Variants in SYNPO2 observed in about 807,000 individuals in gnomAD.
The protein encoded by SYNPO2 is synaptopodin 2, also known as synaptopodin-2.
A neutral mutation model predicts 85.0 loss-of-function variants in SYNPO2; 56 were observed. The ratio of observed to expected loss-of-function variants is 0.66; its 90% confidence interval spans 0.53 to 0.82. The LOEUF (loss-of-function observed/expected upper bound fraction) is 0.82, where lower values mean the gene tolerates loss of function less well. Ranked by LOEUF, SYNPO2 falls within the 40% of genes least tolerant of loss-of-function variation. The pLI is 0.00. For synonymous variants in SYNPO2, 602 were observed against 591.1 expected (o/e 1.02, Z -0.27); for missense variants, 1,575 against 1,534.2 (o/e 1.03, Z -0.44).
intron 4 of SYNPO2, chr4:119,035,435 GT>G: frequency 2.0e-6 from 2 of 985,330 alleles, no homozygotes; most frequent in Non-Finnish European, 2.4e-6. Context: ...GACACATCCT[GT>G]TTTTTAGAGA....
chr4:118,887,703 CACTT>C (rs1333628937), upstream of SYNPO2, among the ~76,000 whole-genome samples: 1 of 152,160 alleles, frequency 6.6e-6, no homozygotes, highest in African/African-American at 2.4e-5. Flanking sequence ...AGACTGTAGT[CACTT>C]AACCTTGTTT....
At chr4:118,944,881 T>C (rs1734443641) in intron 1 of SYNPO2, among the ~76,000 whole-genome samples, 1 of 152,144 alleles carries the variant, frequency 6.6e-6, no homozygotes. Context: ...GGAGCTAGTG[T>C]TATACAGATA....
chr4:119,044,543 A>T (rs1194668876), intron 4 of SYNPO2, among the ~76,000 whole-genome samples: 1 of 151,972 alleles, frequency 6.6e-6, no homozygotes, highest in Admixed American at 6.6e-5. Flanking sequence ...TATTTATTTT[A>T]TTTTTGAGAT....
chr4:119,025,719 T>G (rs183141518), intron 2 of SYNPO2, among the ~76,000 whole-genome samples: 1 of 152,206 alleles, frequency 6.6e-6, no homozygotes, highest in East Asian at 1.9e-4. Flanking sequence ...AAAATACAAA[T>G]ATAAAAAATG....
chr4:118,878,901 C>G (rs752055751), intron 1 of SYNPO2, among the ~76,000 whole-genome samples: 2 of 151,994 alleles, frequency 1.3e-5, no homozygotes, highest in African/African-American at 2.4e-5. Flanking sequence ...TGTTCTTTCT[C>G]TCTCTGCAGT....
At chr4:118,961,800 A>G (rs1735106931) in intron 1 of SYNPO2, among the ~76,000 whole-genome samples, 1 of 152,212 alleles carries the variant, frequency 6.6e-6, no homozygotes, top group African/African-American at 2.4e-5. Context: ...ATAACTAAGT[A>G]TTCCTAAAAT....
At chr4:118,975,476 C>T (rs1227335154) in intron 1 of SYNPO2, among the ~76,000 whole-genome samples, 2 of 152,094 alleles carry the variant, frequency 1.3e-5, no homozygotes, top group South Asian at 2.1e-4. Flanking sequence ...CTTAAGGATA[C>T]ACACAGACAG....
At chr4:118,872,915 C>T (rs1160929674) in intron 1 of SYNPO2, among the ~76,000 whole-genome samples, 2 of 152,132 alleles carry the variant, frequency 1.3e-5, no homozygotes, top group African/African-American at 2.4e-5. Flanking sequence ...TAAGTGAGAA[C>T]ATGCAGTATT....
In SYNPO2 at chr4:119,057,914, G is replaced by T. The variant is rs1479408828; in HGVS notation, c.3766G>T (p.Gly1256Ter). ...ADYNYNPHPR[G>*]WRRQT Reference sequence around the variant, plus strand: ...TTACAACTACAACCCACACCCAAGGGGATGGAGACGCCAAACATGAAAGTT... The same window carrying T: ...TTACAACTACAACCCACACCCAAGGTGATGGAGACGCCAAACATGAAAGTT... Residue 1256 changes from glycine (G) to a stop codon, truncating the protein, a stop_gained, in exon 5 of 5, where the codon GGA becomes TGA. Coordinates refer to ENST00000307142, the MANE Select transcript of SYNPO2 (RefSeq NM_133477.3). LOFTEE classifies it high-confidence loss of function. 6.2e-7 allele frequency: 1 copy of T among 1,610,968 alleles called. No homozygotes were observed. Among genetic ancestry groups the T allele is most frequent in the African/African-American group, 1.3e-5 (1 of 74,704 alleles).
chr4:119,029,330 T>C (rs1207621632), intron 3 of SYNPO2, among the ~76,000 whole-genome samples: 8 of 152,112 alleles, frequency 5.3e-5, no homozygotes, highest in African/African-American at 1.7e-4. Flanking sequence ...AAAACCTAAA[T>C]AGCTAAATTC....
At chr4:119,036,921 C>T in intron 4 of SYNPO2, 1 of 1,196,480 alleles carries the variant, frequency 8.4e-7, no homozygotes, top group Non-Finnish European at 1.0e-6. Flanking sequence ...CAATAAAGTG[C>T]ATCCCAAGTA....
intron 1 of SYNPO2, among the ~76,000 whole-genome samples, chr4:118,891,679 T>G (rs1732385015): frequency 6.6e-6 from 1 of 152,198 alleles, no homozygotes; most frequent in Non-Finnish European, 1.5e-5. Context: ...GAATGTTGCT[T>G]GGGCATAAAC....
At chr4:118,992,635 T>C (rs1293299425) in intron 1 of SYNPO2, among the ~76,000 whole-genome samples, 1 of 152,206 alleles carries the variant, frequency 6.6e-6, no homozygotes, top group Admixed American at 6.5e-5. Flanking sequence ...CCATAGGACC[T>C]GCTGTTATAG....
chr4:119,007,261 T>TATATATATATATATGTATATAC (rs1560972465), intron 1 of SYNPO2, among the ~76,000 whole-genome samples: 10 of 29,360 alleles, frequency 3.4e-4, no homozygotes, highest in African/African-American at 8.9e-4. Context: ...TACATATATA[T>TATATATATATATATGTATATAC]ATATATATAT....
At chr4:119,047,548 T>A (rs1232727204) in intron 4 of SYNPO2, among the ~76,000 whole-genome samples, 1 of 136,082 alleles carries the variant, frequency 7.3e-6, no homozygotes. Context: ...AAACTCCAGT[T>A]AGTGGAGGTA....
chr4:119,051,186 A>ATGTGTT (rs376359189), intron 4 of SYNPO2, among the ~76,000 whole-genome samples: 32 of 100,698 alleles, frequency 3.2e-4, no homozygotes, highest in African/African-American at 1.1e-3. Context: ...ATGGGAAGCA[A>ATGTGTT]TTTTTTTTTT....
At chr4:118,977,597 G>A (rs1302138270) in intron 1 of SYNPO2, among the ~76,000 whole-genome samples, 2 of 152,248 alleles carry the variant, frequency 1.3e-5, no homozygotes, top group African/African-American at 2.4e-5. Flanking sequence ...CTGCCAGCAT[G>A]CTGTCACCTC....
intron 1 of SYNPO2, among the ~76,000 whole-genome samples, chr4:118,856,669 A>C (rs956412613): frequency 6.6e-6 from 1 of 151,834 alleles, no homozygotes; most frequent in Non-Finnish European, 1.5e-5. Context: ...ACATATCATC[A>C]CACTTGGCTA....
chr4:119,044,075 C>T (rs1022586552), intron 4 of SYNPO2: 6 of 151,942 alleles, frequency 3.9e-5, no homozygotes, highest in Middle Eastern at 3.2e-3. Flanking sequence ...CAATAACTCC[C>T]GAGACATCCT....
Sources: gnomAD v4.1 joint callset for allele counts (sites outside exome capture counted in the v4.1 genomes callset) on GRCh38, gnomAD v4.1.1 for gene constraint, MANE v1.5 for transcripts, NCBI Gene and HGNC (gene_info 2026-07-23, HGNC 2026-07-21) for gene names.